Variants in CAMSAP2 observed in about 807,000 individuals in gnomAD.
CAMSAP2 encodes calmodulin-regulated spectrin-associated protein 2.
Under a neutral mutation model 146.1 loss-of-function variants are expected in CAMSAP2, and 26 were observed. That is an observed-to-expected ratio of 0.18 (90% CI 0.13 to 0.25). The LOEUF (loss-of-function observed/expected upper bound fraction) is 0.25, where lower values mean the gene tolerates loss of function less well. Among genes scored for constraint, CAMSAP2 ranks in the 10% least tolerant of loss-of-function variants. The probability of loss-of-function intolerance (pLI) is 1.00; values close to 1 mark genes in which losing one functional copy is unlikely to be tolerated. For missense variants in CAMSAP2, 1,381 were observed against 1,759.3 expected (o/e 0.78, Z 3.85); for synonymous variants, 499 against 596.6 (o/e 0.84, Z 2.38).
intron 1 of CAMSAP2, among the ~76,000 whole-genome samples, chr1:200,744,336 G>C (rs1424731747): frequency 6.6e-6 from 1 of 152,220 alleles, no homozygotes; most frequent in South Asian, 2.1e-4. Flanking sequence ...ATGTGTAAGA[G>C]GGTGAGGTCG....
chr1:200,842,331 T>G (rs1649722895), intron 7 of CAMSAP2, among the ~76,000 whole-genome samples: 1 of 152,228 alleles, frequency 6.6e-6, no homozygotes, highest in South Asian at 2.1e-4. Flanking sequence ...TGTCCATTTC[T>G]TTTCTTTGCA....
rs780561838 is a variant in CAMSAP2, at chr1:200,849,235, A to G, written c.2466A>G (p.Glu822=). Residue 822 remains glutamate (E), a synonymous_variant, in exon 11 of 17, where the codon GAA becomes GAG. Transcript: ENST00000358823. The surrounding 1 kb of genome is among the most constrained non-coding windows in gnomAD (Gnocchi z 6.3). ...ATACTGATCGAGCAAAAGAAAAGGA[A>G]TCACAAAAAACTGATGGACAAAGGA... ...KVYTDRAKEK[E]SQKTDGQRSK... 3 of 1,613,778 alleles carry G rather than the reference A, an allele frequency of 1.9e-6. No homozygotes were observed. The highest frequency in any genetic ancestry group is 3.3e-5 in the Admixed American group (2 of 59,980).
At chr1:200,794,150 C>T (rs1425883633) in intron 2 of CAMSAP2, among the ~76,000 whole-genome samples, 1 of 152,142 alleles carries the variant, frequency 6.6e-6, no homozygotes, top group Non-Finnish European at 1.5e-5. Context: ...AAAATACAAG[C>T]TTTGTTTGCT....
At chr1:200,752,582 A>T (rs1202538339) in intron 1 of CAMSAP2, among the ~76,000 whole-genome samples, 1 of 150,846 alleles carries the variant, frequency 6.6e-6, no homozygotes, top group Non-Finnish European at 1.5e-5. Context: ...TTATTTCCCA[A>T]TTCAGGATCA....
intron 3 of CAMSAP2, among the ~76,000 whole-genome samples, chr1:200,815,304 C>T (rs1051644561): frequency 8.5e-5 from 13 of 152,108 alleles, no homozygotes; most frequent in African/African-American, 2.2e-4. Flanking sequence ...TTTCCCTTAG[C>T]GCTCCAACCA....
intron 4 of CAMSAP2, among the ~76,000 whole-genome samples, chr1:200,822,373 T>G (rs1666797186): frequency 6.6e-6 from 1 of 152,234 alleles, no homozygotes; most frequent in Admixed American, 6.5e-5. Context: ...ATCCCTAGTC[T>G]TCTTTAAACT....
At chr1:200,829,273 G>A (rs1241364604) in intron 4 of CAMSAP2, among the ~76,000 whole-genome samples, 2 of 152,114 alleles carry the variant, frequency 1.3e-5, no homozygotes, top group African/African-American at 2.4e-5. Context: ...CATCTTTGTG[G>A]CTGAGCATGG....
intron 2 of CAMSAP2, among the ~76,000 whole-genome samples, chr1:200,790,657 A>G (rs2103031027): frequency 6.6e-6 from 1 of 152,158 alleles, no homozygotes; most frequent in East Asian, 1.9e-4. Context: ...CCTTTCTTTC[A>G]GATCTACCTA....
intron 2 of CAMSAP2, among the ~76,000 whole-genome samples, chr1:200,764,986 C>T (rs1163080829): frequency 6.6e-6 from 1 of 151,992 alleles, no homozygotes; most frequent in Non-Finnish European, 1.5e-5. Flanking sequence ...CACCTGTAAT[C>T]CCAGCTACAT....
intron 1 of CAMSAP2, among the ~76,000 whole-genome samples, chr1:200,757,412 G>A (rs1349242727): frequency 1.3e-5 from 2 of 152,148 alleles, no homozygotes; most frequent in Non-Finnish European, 2.9e-5. Context: ...ATTAAATTAT[G>A]TTCTGCTTAA....
chr1:200,841,988 A>C lies in CAMSAP2; in HGVS notation c.928-6A>C, dbSNP rs140556449. On this transcript the variant is annotated splice_region_variant and splice_polypyrimidine_tract_variant and intron_variant, in intron 6 of 16. Transcript: ENST00000358823. ...ATGTAGGCTTTCTCTTAAATTTCCT[A>C]TATAGAGTAATTATTTGGTGTTCAT... 6.2e-7 allele frequency: 1 copy of C among 1,602,926 alleles called. No homozygotes were observed. Among genetic ancestry groups the C allele is most frequent in the Non-Finnish European group, 8.5e-7 (1 of 1,170,088 alleles).
In CAMSAP2 at chr1:200,848,577, C is replaced by T; in HGVS notation, c.1808C>T (p.Thr603Ile). The change falls in exon 11 of 17, where the codon ACT becomes ATT. Residue 603 changes from threonine to isoleucine, a missense_variant. This residue lies in a region of CAMSAP2 where 447 missense variants were observed against 462.2 expected (regional missense o/e 0.97). Coordinates refer to ENST00000358823, the MANE Select transcript of CAMSAP2 (RefSeq NM_203459.4). ...ACGAAAGGTGCCTTGAGTCCCATAA[C>T]TGACAATACTGAAGTAGACACTGGA... Reference protein sequence around the residue: ...TDTKGALSPITDNTEVDTGIH... With the variant: ...TDTKGALSPIIDNTEVDTGIH... 1 of 1,614,058 alleles carries T rather than the reference C, an allele frequency of 6.2e-7. No homozygotes were observed. The highest frequency in any genetic ancestry group is 8.5e-7 in the Non-Finnish European group (1 of 1,179,920).
rs186529792 is a variant in CAMSAP2 at position 200,844,673 on chromosome 1, C to T, written c.1022-109C>T. The T allele has an allele frequency of 1.3e-4, 67 of 511,796 alleles. No individual in the cohort carries two copies. The Admixed American group carries it at 1.8e-3, about 14-fold the overall frequency. 31.7% of individuals were successfully genotyped at this position (511,796 alleles called of 1,614,324 possible). ...AACTTTATGCTATGATTTCTCAATACGTAGAAAGGGAAATAGAAGTTAAAT... is the reference window on the plus strand; with the variant it reads ...AACTTTATGCTATGATTTCTCAATATGTAGAAAGGGAAATAGAAGTTAAAT... On this transcript the variant is annotated intron_variant, in intron 7 of 16. Coordinates refer to ENST00000358823, the MANE Select transcript of CAMSAP2 (RefSeq NM_203459.4).
chr1:200,746,261 T>C lies in CAMSAP2; in HGVS notation c.139+6295T>C, dbSNP rs115339056. On this transcript the variant is annotated intron_variant, in intron 1 of 16. Transcript: ENST00000358823. ...GGAAACCACAGGGAAGTTATTATGT[T>C]TCAGGTGAGAGATGATGGCATCTTG... Among the ~76,000 whole-genome samples, 416 of 152,312 alleles carry C rather than the reference T, an allele frequency of 2.7e-3. 5 individuals are homozygous for C. Among genetic ancestry groups the C allele is most frequent in the African/African-American group, 9.3e-3 (387 of 41,570 alleles).
intron 2 of CAMSAP2, among the ~76,000 whole-genome samples, chr1:200,784,724 T>C (rs1422640898): frequency 6.6e-6 from 1 of 152,222 alleles, no homozygotes; most frequent in Non-Finnish European, 1.5e-5. Flanking sequence ...CTTTCCACTA[T>C]GTATGTGGTC....
chr1:200,780,474 CAT>C lies in CAMSAP2; in HGVS notation c.399+19381_399+19382del, dbSNP rs139939862. On this transcript the variant is annotated intron_variant, in intron 2 of 16. Coordinates refer to ENST00000358823, the MANE Select transcript of CAMSAP2 (RefSeq NM_203459.4). ...GCAAGGAAATTCTAGCATACTTGTT[CAT>C]ATATTCAAACTTATTTCAAGTAAGT... is the stretch of plus-strand genomic sequence containing the variant. Among the ~76,000 whole-genome samples, 516 of 152,300 alleles carry C rather than the reference CAT, an allele frequency of 3.4e-3. 5 individuals carry two copies. The highest frequency in any genetic ancestry group is 0.012 in the African/African-American group (501 of 41,554).
chr1:200,742,049 A>G (rs959338055), intron 1 of CAMSAP2, among the ~76,000 whole-genome samples: 10 of 152,198 alleles, frequency 6.6e-5, no homozygotes, highest in Admixed American at 3.9e-4. Flanking sequence ...TGAATACATT[A>G]CTTCATTTAT....
chr1:200,768,817 C>T (rs1665032497), intron 2 of CAMSAP2, among the ~76,000 whole-genome samples: 1 of 152,036 alleles, frequency 6.6e-6, no homozygotes, highest in Non-Finnish European at 1.5e-5. Flanking sequence ...CCACGCCTGG[C>T]TAATTTTTGT....
At chr1:200,816,300 T>A (rs58172834) in intron 4 of CAMSAP2, among the ~76,000 whole-genome samples, 5,112 of 132,468 alleles carry the variant, frequency 0.039, 115 homozygotes, top group Non-Finnish European at 0.046. Context: ...ACAAAAAAAA[T>A]ATATATATAG....
Sources: gnomAD v4.1 joint callset for allele counts (sites outside exome capture counted in the v4.1 genomes callset) on GRCh38, gnomAD v4.1.1 for gene constraint, gnomAD v4.1.1 regional missense constraint, Gnocchi (gnomAD v3.1) non-coding constraint, MANE v1.5 for transcripts, NCBI Gene and HGNC (gene_info 2026-07-23, HGNC 2026-07-21) for gene names.